GALNT8: variants seen among roughly 807,000 people sequenced by gnomAD.
The protein encoded by GALNT8 is polypeptide N-acetylgalactosaminyltransferase 8, also known as probable polypeptide N-acetylgalactosaminyltransferase 8.
GALNT8 carries 66 observed loss-of-function variants against 62.7 expected under a neutral mutation model. That is an observed-to-expected ratio of 1.05 (90% confidence interval 0.86 to 1.29). The LOEUF (loss-of-function observed/expected upper bound fraction) is 1.29, where lower values mean the gene tolerates loss of function less well. Ranked by LOEUF, GALNT8 falls within the 50% of genes most tolerant of loss-of-function variation. The probability of loss-of-function intolerance (pLI) is 0.00; values close to 1 mark genes in which losing one functional copy is unlikely to be tolerated. For missense variants in GALNT8, 771 were observed against 791.8 expected (o/e 0.97, Z 0.32); for synonymous variants, 288 against 294.3 (o/e 0.98, Z 0.22).
In GALNT8 at chr12:4,772,595, T is replaced by C. The variant is rs1946430679; in HGVS notation, c.1912T>C (p.Ter638ArgextTer?). Residue 638 changes from the stop codon to arginine (R), a stop_lost, in exon 11 of 11, where the codon TGA becomes CGA. Coordinates refer to ENST00000252318, the MANE Select transcript of GALNT8 (RefSeq NM_017417.2). ...AGACTGGGGTCAGACCAACAGCCAG[T>C]GATCCTCAGATGGTGCTGGATCTGG... ...VRDWGQTNSQ* is the reference protein window; with the variant it reads ...VRDWGQTNSQR The C allele has an allele frequency of 3.1e-6, 5 of 1,612,204 alleles. No individual in the cohort carries two copies. The highest frequency in any genetic ancestry group is 4.2e-6 in the Non-Finnish European group (5 of 1,178,546).
At chr12:4,728,649 A>C (rs6489563) in intron 2 of GALNT8, among the ~76,000 whole-genome samples, 152,219 of 152,268 alleles carry the variant, frequency 1, 76,085 homozygotes, top group Non-Finnish European at 1. Flanking sequence ...TGCCACCCTT[A>C]TTGAAATCAA....
intron 10 of GALNT8, among the ~76,000 whole-genome samples, chr12:4,771,461 G>A (rs1042248794): frequency 5.3e-4 from 81 of 152,266 alleles, no homozygotes; most frequent in African/African-American, 1.7e-3. Context: ...GTTTGTGATT[G>A]GAAGAGATGA....
intron 1 of GALNT8, among the ~76,000 whole-genome samples, chr12:4,721,134 G>A (rs1946166274): frequency 6.6e-6 from 1 of 152,092 alleles, no homozygotes; most frequent in South Asian, 2.1e-4. Context: ...GTATGCGTGT[G>A]TGGGCTTGTG....
rs773387890 is a variant in GALNT8, at chr12:4,720,775, T to C, written c.98T>C (p.Leu33Ser). The C allele has an allele frequency of 1.2e-6, 2 of 1,612,776 alleles. No individual in the cohort carries two copies. The highest frequency in any genetic ancestry group is 1.7e-6 in the Non-Finnish European group (2 of 1,178,702). Residue 33 changes from leucine (L) to serine (S), a missense_variant, in exon 1 of 11, where the codon TTA (leucine) becomes TCA (serine). Coordinates refer to ENST00000252318, the MANE Select transcript of GALNT8 (RefSeq NM_017417.2). ...CTGGTATTTTCTAGCAAGGGGACTT[T>C]ACAAAACCTGTTTACGGGTGGTCTC... ...LLLVFSSKGT[L>S]QNLFTGGLHR...
In GALNT8 at chr12:4,765,309, T is replaced by G. The variant is rs549857768; in HGVS notation, c.1594-70T>G. ...TCATTCTTCCTGCTGTCCCTCGGGCTAGGGTCTCCTGCTGGCTGACAATGC... is the reference window on the plus strand; with the variant it reads ...TCATTCTTCCTGCTGTCCCTCGGGCGAGGGTCTCCTGCTGGCTGACAATGC... On this transcript the variant is annotated intron_variant, in intron 9 of 10. Transcript: ENST00000252318. 1.2e-5 allele frequency: 17 copies of G among 1,392,928 alleles called. No individual in the cohort carries two copies. In the African/African-American group the frequency reaches 2.5e-4, roughly 21 times the overall value. 86.3% of individuals were successfully genotyped at this position (1,392,928 alleles called of 1,614,324 possible).
intron 2 of GALNT8, among the ~76,000 whole-genome samples, chr12:4,727,880 C>T (rs936098350): frequency 2.0e-5 from 3 of 152,046 alleles, no homozygotes; most frequent in African/African-American, 7.2e-5. Context: ...TAGGTGTACC[C>T]GATGGGTAGA....
chr12:4,746,150 T>G lies in GALNT8; in HGVS notation c.1065T>G (p.Pro355=), dbSNP rs764855344. The G allele has an allele frequency of 6.3e-7, 1 of 1,599,174 alleles. No homozygotes were observed. The highest frequency in any genetic ancestry group is 1.7e-5 in the Admixed American group (1 of 60,000). ...LHDVTAPVKS[P]SIMGILAANR... ...CTTGCTGTGTGCTCTGTAGGAGTCC[T>G]TCAATCATGGGCATCCTGGCTGCTA... Residue 355 remains proline (P), a synonymous_variant, in exon 6 of 11, where the codon CCT becomes CCG. Coordinates refer to ENST00000252318, the MANE Select transcript of GALNT8 (RefSeq NM_017417.2).
At position 4,765,506 on chromosome 12, in the gene GALNT8, C is replaced by T. The variant is rs1410650304; in HGVS notation, c.1721C>T (p.Ala574Val). ...EKPTLEPCSK[A>V]AKNRLHIYWD... ...CCCACCTTAGAACCATGCTCCAAGG[C>T]AGCTAAGAATAGACTGCATATATAT... The change falls in exon 10 of 11, where the codon GCA becomes GTA. Residue 574 changes from alanine to valine, a missense_variant. Physicochemically the swap from Ala to Val is moderately conservative, Grantham distance 64 (BLOSUM62 0). Coordinates refer to ENST00000252318, the MANE Select transcript of GALNT8 (RefSeq NM_017417.2). 1.9e-6 allele frequency: 3 copies of T among 1,611,590 alleles called. No homozygotes were observed. Among genetic ancestry groups the T allele is most frequent in the Non-Finnish European group, 2.5e-6 (3 of 1,179,582 alleles).
At chr12:4,721,574 C>A (rs571710737) in intron 1 of GALNT8, among the ~76,000 whole-genome samples, 2 of 152,078 alleles carry the variant, frequency 1.3e-5, no homozygotes, top group African/African-American at 4.8e-5. Context: ...ATCTCAATGC[C>A]TTAAACAGCA....
chr12:4,737,781 A>G (rs951886377), intron 2 of GALNT8, among the ~76,000 whole-genome samples: 3 of 152,320 alleles, frequency 2.0e-5, no homozygotes, highest in African/African-American at 2.4e-5. Flanking sequence ...GTTTGTTATC[A>G]TGGGACTGGG....
intron 3 of GALNT8, among the ~76,000 whole-genome samples, chr12:4,740,067 G>A (rs1184293484): frequency 6.6e-6 from 1 of 152,132 alleles, no homozygotes; most frequent in African/African-American, 2.4e-5. Flanking sequence ...TGCTCCTTAT[G>A]AGGAACAGAT....
Position 4,753,529 on chromosome 12 carries a change from T to C in GALNT8, c.1173+7271T>C, listed in dbSNP as rs539482670. On this transcript the variant is annotated intron_variant, in intron 6 of 10. Transcript: ENST00000252318. ...GAATTTCTGCTTGATTGTTTTTTAT[T>C]ATTTCCATCTCATTGTTAAATTTAT... Among the ~76,000 whole-genome samples, 87 of 152,320 alleles carry C rather than the reference T, an allele frequency of 5.7e-4. 1 individual carries two copies. The highest frequency in any genetic ancestry group is 1.9e-3 in the African/African-American group (81 of 41,574).
chr12:4,754,202 G>A (rs1179886646), intron 6 of GALNT8, among the ~76,000 whole-genome samples: 1 of 152,056 alleles, frequency 6.6e-6, no homozygotes, highest in Non-Finnish European at 1.5e-5. Context: ...TACTTCCTAT[G>A]TTCCCTTGAG....
intron 1 of GALNT8, among the ~76,000 whole-genome samples, chr12:4,723,049 C>A (rs1946178066): frequency 6.6e-6 from 1 of 152,100 alleles, no homozygotes; most frequent in African/African-American, 2.4e-5. Context: ...CTAAGGCACC[C>A]ATAGCACCTT....
intron 2 of GALNT8, among the ~76,000 whole-genome samples, chr12:4,729,179 T>A (rs536625498): frequency 2.8e-4 from 42 of 152,292 alleles, no homozygotes; most frequent in African/African-American, 9.9e-4. Flanking sequence ...GTATATCTTA[T>A]CATGTACAAT....
intron 2 of GALNT8, among the ~76,000 whole-genome samples, chr12:4,733,505 A>G (rs912265432): frequency 1.3e-5 from 2 of 152,214 alleles, no homozygotes; most frequent in African/African-American, 4.8e-5. Context: ...AGAAAATCTG[A>G]AGTCACTGAT....
chr12:4,761,914 A>T (rs1038414614), intron 7 of GALNT8, among the ~76,000 whole-genome samples: 7 of 152,154 alleles, frequency 4.6e-5, no homozygotes, highest in African/African-American at 1.7e-4. Flanking sequence ...CCCCAGAAAG[A>T]CAGGGAGTCA....
chr12:4,755,545 A>G (rs1395666683), intron 6 of GALNT8, among the ~76,000 whole-genome samples: 1 of 152,206 alleles, frequency 6.6e-6, no homozygotes, highest in East Asian at 1.9e-4. Context: ...TGAAGTTAAA[A>G]TATGAGTACT....
chr12:4,753,962 A>G (rs1254268791), intron 6 of GALNT8, among the ~76,000 whole-genome samples: 2 of 152,172 alleles, frequency 1.3e-5, no homozygotes, highest in Non-Finnish European at 2.9e-5. Context: ...ATGGTCTTGG[A>G]TAAGATCCGG....
Sources: gnomAD v4.1 joint callset for allele counts (sites outside exome capture counted in the v4.1 genomes callset) on GRCh38, gnomAD v4.1.1 for gene constraint, MANE v1.5 for transcripts, NCBI Gene and HGNC (gene_info 2026-07-23, HGNC 2026-07-21) for gene names.